The following CACNA1D variants were observed in gnomAD, a reference collection of about 807,000 sequenced individuals.
CACNA1D encodes the protein voltage-dependent L-type calcium channel subunit alpha-1D.
A neutral mutation model predicts 257.1 loss-of-function variants in CACNA1D; 55 were observed. That is an observed-to-expected ratio of 0.21 (90% CI 0.17 to 0.27). The LOEUF is 0.27. Ranked by LOEUF, CACNA1D falls within the 10% of genes least tolerant of loss-of-function variation. The probability of loss-of-function intolerance (pLI) is 1.00; values close to 1 mark genes in which losing one functional copy is unlikely to be tolerated. For missense variants in CACNA1D, 1,876 were observed against 2,784.0 expected (o/e 0.67, Z 7.34); for synonymous variants, 980 against 1,014.9 (o/e 0.97, Z 0.65).
intron 3 of CACNA1D, 90 bp from the exon 4 acceptor site, chr3:53,650,689 G>A (rs2094081130): frequency 4.6e-6 from 6 of 1,294,316 alleles, no homozygotes; most frequent in Non-Finnish European, 6.7e-6. Context: ...ATATGTCTAA[G>A]GTGTTGATTC....
chr3:53,584,372 A>G (rs1400898097), intron 3 of CACNA1D, among the ~76,000 whole-genome samples: 1 of 152,222 alleles, frequency 6.6e-6, no homozygotes, highest in African/African-American at 2.4e-5. Flanking sequence ...GGCTGGGGTC[A>G]GAGGTGGTTG....
rs2094944319 is a variant in CACNA1D at position 53,727,242 on chromosome 3, G to A, written c.2221+243G>A. Among the ~76,000 whole-genome samples, 3 of 152,346 alleles carry A rather than the reference G, an allele frequency of 2.0e-5. No homozygotes were observed. The South Asian group carries it at 6.2e-4, about 32-fold the overall frequency. On this transcript the variant is annotated intron_variant, in intron 15 of 47. Coordinates refer to ENST00000350061, the MANE Select transcript of CACNA1D (RefSeq NM_001128840.3). ...TAAGAGAAGCAAGCCCAGGGAAGGAGCGTGAGACAGCACACATACTGGTCC... is the reference window on the plus strand; with the variant it reads ...TAAGAGAAGCAAGCCCAGGGAAGGAACGTGAGACAGCACACATACTGGTCC...
At chr3:53,568,638 T>C (rs2092890413) in intron 3 of CACNA1D, among the ~76,000 whole-genome samples, 1 of 152,120 alleles carries the variant, frequency 6.6e-6, no homozygotes, top group Non-Finnish European at 1.5e-5. Flanking sequence ...GCAGTGCCGT[T>C]CTCCTGCCTC....
intron 8 of CACNA1D, among the ~76,000 whole-genome samples, chr3:53,681,426 C>T (rs1037170218): frequency 6.6e-6 from 1 of 152,162 alleles, no homozygotes; most frequent in East Asian, 1.9e-4. Flanking sequence ...CTGCTGGATC[C>T]TTTTTTCTCC....
rs543420238 is a variant in CACNA1D, at chr3:53,606,110, C to A, written c.484-44669C>A. Among the ~76,000 whole-genome samples, 54 of 152,332 alleles carry A rather than the reference C, an allele frequency of 3.5e-4. No homozygotes were observed. The South Asian group carries it at 0.011, about 31-fold the overall frequency. ...CCATCAACTGTGTCAACAGACTGGACCCAATAATAGGAACAAAGTGCTGAA... is the reference window on the plus strand; with the variant it reads ...CCATCAACTGTGTCAACAGACTGGAACCAATAATAGGAACAAAGTGCTGAA... On this transcript the variant is annotated intron_variant, in intron 3 of 47. Transcript: ENST00000350061.
chr3:53,795,587 G>T (rs530550478), intron 40 of CACNA1D, among the ~76,000 whole-genome samples: 1 of 152,328 alleles, frequency 6.6e-6, no homozygotes, highest in South Asian at 2.1e-4. Context: ...ATATTTGTAT[G>T]TAAGCTCACA....
chr3:53,619,157 C>G (rs2093668746), intron 3 of CACNA1D, among the ~76,000 whole-genome samples: 1 of 152,202 alleles, frequency 6.6e-6, no homozygotes, highest in Non-Finnish European at 1.5e-5. Context: ...CACAGTGGCT[C>G]TGATTTCCAC....
intron 30 of CACNA1D, among the ~76,000 whole-genome samples, chr3:53,769,665 C>G (rs961888684): frequency 6.6e-6 from 1 of 152,204 alleles, no homozygotes. Flanking sequence ...AGCCTCCTCG[C>G]GAGAAGCGGG....
At chr3:53,685,596 T>G (rs969604028) in intron 8 of CACNA1D, among the ~76,000 whole-genome samples, 28 of 152,270 alleles carry the variant, frequency 1.8e-4, no homozygotes, top group African/African-American at 6.7e-4. Flanking sequence ...TCATTACCTC[T>G]CGATTGAAAT....
chr3:53,722,634 G>A (rs1183429903), intron 12 of CACNA1D, among the ~76,000 whole-genome samples, 160 bp downstream of exon 12: 3 of 152,196 alleles, frequency 2.0e-5, no homozygotes, highest in African/African-American at 4.8e-5. Context: ...CTACCAGAGC[G>A]AGGGTGCCAT....
chr3:53,772,756 A>G (rs1236420523), intron 32 of CACNA1D, 77 bp from the exon 33 acceptor site: 14 of 1,029,800 alleles, frequency 1.4e-5, no homozygotes, highest in Non-Finnish European at 2.2e-5. Context: ...GTGGCCACTC[A>G]TGGGTCTTCT....
At chr3:53,609,778 G>C (rs960981557) in intron 3 of CACNA1D, among the ~76,000 whole-genome samples, 2 of 151,962 alleles carry the variant, frequency 1.3e-5, no homozygotes, top group African/African-American at 4.8e-5. Flanking sequence ...TTTTGCGCTT[G>C]CCGTTGTTTT....
intron 3 of CACNA1D, among the ~76,000 whole-genome samples, chr3:53,521,094 C>T (rs1056077017): frequency 6.6e-6 from 1 of 151,482 alleles, no homozygotes; most frequent in Non-Finnish European, 1.5e-5. Context: ...TACTGGAGTA[C>T]AGTGGTATCA....
intron 4 of CACNA1D, among the ~76,000 whole-genome samples, chr3:53,651,780 T>C (rs930938776): frequency 5.3e-5 from 8 of 152,232 alleles, no homozygotes; most frequent in Non-Finnish European, 5.9e-5. Flanking sequence ...AAATAGCCTC[T>C]CTGTTTTCAT....
intron 3 of CACNA1D, among the ~76,000 whole-genome samples, chr3:53,509,989 G>A (rs575834888): frequency 1.2e-4 from 18 of 152,308 alleles, no homozygotes; most frequent in East Asian, 3.9e-4. Context: ...CTTCCAGCCC[G>A]CTGCTGTGGC....
intron 9 of CACNA1D, among the ~76,000 whole-genome samples, chr3:53,717,511 C>T (rs1006431989): frequency 7.2e-5 from 11 of 152,176 alleles, no homozygotes; most frequent in South Asian, 4.1e-4. Context: ...CACTAGTGGG[C>T]GTGTTTCCAC....
At chr3:53,721,235 GT>G in intron 11 of CACNA1D, among the ~76,000 whole-genome samples, 2 of 152,328 alleles carry the variant, frequency 1.3e-5, no homozygotes, top group East Asian at 3.9e-4. Flanking sequence ...CTTGATCCAG[GT>G]TTTGGTAAAG....
chr3:53,708,755 TA>T (rs2094718474), intron 9 of CACNA1D, among the ~76,000 whole-genome samples: 1 of 152,176 alleles, frequency 6.6e-6, no homozygotes, highest in South Asian at 2.1e-4. Flanking sequence ...TCAAAGTATA[TA>T]AAGTAAGAAA....
At chr3:53,758,407 C>T (rs1213153075) in intron 29 of CACNA1D, among the ~76,000 whole-genome samples, 1 of 152,208 alleles carries the variant, frequency 6.6e-6, no homozygotes, top group Non-Finnish European at 1.5e-5. Flanking sequence ...GGAATCTGAA[C>T]TTGGGTCACT....
Sources: allele counts gnomAD v4.1 joint callset (sites outside exome capture counted in the v4.1 genomes callset), GRCh38; gene constraint gnomAD v4.1.1; transcripts MANE v1.5; gene names NCBI Gene and HGNC (gene_info 2026-07-23, HGNC 2026-07-21).